The following CFDP1 variants were observed in gnomAD, a reference collection of about 807,000 sequenced individuals.
The protein encoded by CFDP1 is heterochromatin-stabilizing protein CFDP1.
In CFDP1, 31 loss-of-function variants were observed where a neutral mutation model predicts 40.1. That is an observed-to-expected ratio of 0.77 (90% CI 0.58 to 1.04). The LOEUF is 1.04. CFDP1 is among the 50% of genes least tolerant of loss of function. The pLI is 0.00. For missense variants in CFDP1, 423 were observed against 343.4 expected, an observed-to-expected ratio of 1.23 and a Z score of -1.83; for synonymous variants, 167 against 120.0, an observed-to-expected ratio of 1.39 and a Z score of -2.56.
At chr16:75,295,089 C>T (rs1277112639) in intron 6 of CFDP1, among the ~76,000 whole-genome samples, 2 of 152,182 alleles carry the variant, frequency 1.3e-5, no homozygotes, top group Non-Finnish European at 2.9e-5. Flanking sequence ...TTTTGTTGCA[C>T]TGTGGAAAAT....
At chr16:75,389,911 A>T (rs1442784245) in intron 5 of CFDP1, among the ~76,000 whole-genome samples, 3 of 152,236 alleles carry the variant, frequency 2.0e-5, no homozygotes, top group African/African-American at 7.2e-5. Flanking sequence ...GATGCATTTC[A>T]TAAAAATGAG....
At chr16:75,373,796 C>T (rs2078771404) in intron 5 of CFDP1, among the ~76,000 whole-genome samples, 1 of 152,164 alleles carries the variant, frequency 6.6e-6, no homozygotes, top group Admixed American at 6.5e-5. Flanking sequence ...TTCCTCTACA[C>T]AATTTACTAA....
At chr16:75,430,823 TG>T (rs1163411488) in intron 1 of CFDP1, among the ~76,000 whole-genome samples, 5 of 152,108 alleles carry the variant, frequency 3.3e-5, no homozygotes, top group Admixed American at 6.6e-5. Context: ...GAGAATAGGT[TG>T]CAAAATGTTT....
At chr16:75,369,737 TTTAC>T (rs1173369210) in intron 5 of CFDP1, among the ~76,000 whole-genome samples, 3 of 152,272 alleles carry the variant, frequency 2.0e-5, no homozygotes, top group African/African-American at 7.2e-5. Context: ...TGACCAACAC[TTTAC>T]TTACTTACTT....
intron 5 of CFDP1, among the ~76,000 whole-genome samples, chr16:75,376,723 T>C (rs1386783649): frequency 6.6e-6 from 1 of 152,112 alleles, no homozygotes; most frequent in South Asian, 2.1e-4. Flanking sequence ...CCAAACCAAA[T>C]TGATGACTAG....
intron 4 of CFDP1, among the ~76,000 whole-genome samples, chr16:75,406,194 G>C (rs1026297088): frequency 2.6e-5 from 4 of 152,008 alleles, no homozygotes; most frequent in Non-Finnish European, 4.4e-5. Flanking sequence ...AAGCAACATA[G>C]GGAGACCTCG....
chr16:75,386,582 G>A (rs1245259366), intron 5 of CFDP1, among the ~76,000 whole-genome samples: 4 of 152,076 alleles, frequency 2.6e-5, no homozygotes, highest in Non-Finnish European at 1.5e-5. Context: ...AAAATTAGCC[G>A]GGCGTGGTGG....
At chr16:75,333,345 G>A (rs1428070022) in intron 5 of CFDP1, among the ~76,000 whole-genome samples, 3 of 150,162 alleles carry the variant, frequency 2.0e-5, no homozygotes, top group African/African-American at 2.5e-5. Context: ...GGATGGTCTC[G>A]ATCTCCTCAC....
At chr16:75,382,640 T>G (rs1307158656) in intron 5 of CFDP1, among the ~76,000 whole-genome samples, 1 of 152,248 alleles carries the variant, frequency 6.6e-6, no homozygotes, top group Non-Finnish European at 1.5e-5. Context: ...GAAACATGGC[T>G]GAAAAGCAGA....
At position 75,412,520 on chromosome 16, in the gene CFDP1, A is replaced by T. The variant is rs751222994; in HGVS notation, c.402+15T>A. The T allele has an allele frequency of 2.5e-6, 4 of 1,599,208 alleles. No individual in the cohort carries two copies. The South Asian group carries it at 3.3e-5, about 13-fold the overall frequency. ...TTTCTGGAGAGGCATTCACCTCACT[A>T]ATGTCTCAACTTACCTTAACTTGTG... On this transcript the variant is annotated intron_variant, in intron 3 of 6. Transcript: ENST00000283882.
intron 5 of CFDP1, among the ~76,000 whole-genome samples, chr16:75,375,126 G>A (rs1256119244): frequency 6.8e-6 from 1 of 146,976 alleles, no homozygotes; most frequent in African/African-American, 2.5e-5. Flanking sequence ...AAACATAAAA[G>A]CCAGGACCAT....
At chr16:75,320,162 C>G (rs987598523) in intron 5 of CFDP1, among the ~76,000 whole-genome samples, 1 of 152,180 alleles carries the variant, frequency 6.6e-6, no homozygotes, top group Non-Finnish European at 1.5e-5. Context: ...CCTTTTCATT[C>G]AGAAATGTAG....
chr16:75,428,505 T>C (rs756130339), intron 1 of CFDP1, among the ~76,000 whole-genome samples: 3 of 151,550 alleles, frequency 2.0e-5, no homozygotes, highest in Non-Finnish European at 2.9e-5. Context: ...GTATCCCAGC[T>C]ACTCGAGAGG....
In CFDP1 at chr16:75,411,966, A is replaced by G. The variant is rs551953830; in HGVS notation, c.403-14T>C. ...CTCCTCTCCTTTCTATAAAAAAAAC[A>G]AGAAATGTAATGTTTCACCAAAAGA... On this transcript the variant is annotated splice_polypyrimidine_tract_variant and intron_variant, in intron 3 of 6. Transcript: ENST00000283882. The G allele has an allele frequency of 3.2e-6, 5 of 1,579,630 alleles. No individual in the cohort carries two copies. Among genetic ancestry groups the G allele is most frequent in the Non-Finnish European group, 4.3e-6 (5 of 1,171,490 alleles).
intron 5 of CFDP1, among the ~76,000 whole-genome samples, chr16:75,373,245 T>C (rs1332439741): frequency 6.6e-6 from 1 of 152,228 alleles, no homozygotes; most frequent in Non-Finnish European, 1.5e-5. Context: ...ATTTCAACAC[T>C]TACACACACA....
chr16:75,317,567 A>G (rs188781211), intron 5 of CFDP1, among the ~76,000 whole-genome samples: 19 of 152,240 alleles, frequency 1.2e-4, no homozygotes, highest in African/African-American at 3.9e-4. Context: ...TTGTATGATT[A>G]GACACAGCTG....
intron 5 of CFDP1, among the ~76,000 whole-genome samples, chr16:75,330,156 T>G (rs2078434867): frequency 6.6e-6 from 1 of 152,198 alleles, no homozygotes. Context: ...GCTCCTGATA[T>G]TCCTCAATGA....
intron 5 of CFDP1, among the ~76,000 whole-genome samples, chr16:75,368,938 C>A (rs957349672): frequency 2.0e-5 from 3 of 151,860 alleles, no homozygotes; most frequent in Non-Finnish European, 4.4e-5. Context: ...TCAGTACTTT[C>A]CTTTTTACAT....
At chr16:75,432,457 G>C (rs985271389) in intron 1 of CFDP1, among the ~76,000 whole-genome samples, 3 of 151,240 alleles carry the variant, frequency 2.0e-5, no homozygotes, top group Admixed American at 6.6e-5. Flanking sequence ...AGGCTGAGAC[G>C]GGAGGATCGC....
Sources: gnomAD v4.1 joint callset for allele counts (sites outside exome capture counted in the v4.1 genomes callset) on GRCh38, gnomAD v4.1.1 for gene constraint, MANE v1.5 for transcripts, NCBI Gene and HGNC (gene_info 2026-07-23, HGNC 2026-07-21) for gene names.